Variants in GALNT10 observed in about 807,000 individuals in gnomAD.
GALNT10 encodes the protein GalNAc transferase 10.
A neutral mutation model predicts 75.0 loss-of-function variants in GALNT10; 41 were observed. That is an observed-to-expected ratio of 0.55 (90% CI 0.43 to 0.71). GALNT10 has a LOEUF of 0.71. Among genes scored for constraint, GALNT10 ranks in the 30% least tolerant of loss-of-function variants. GALNT10 has a pLI of 0.00. For missense variants in GALNT10, 727 were observed against 818.5 expected (o/e 0.89, Z 1.36); for synonymous variants, 302 against 313.0 (o/e 0.96, Z 0.37).
At chr5:154,306,139 G>C (rs946795332) in intron 3 of GALNT10, among the ~76,000 whole-genome samples, 1 of 152,174 alleles carries the variant, frequency 6.6e-6, no homozygotes, top group East Asian at 1.9e-4. Context: ...AATCAGCAAG[G>C]ATATAGTAGA....
In GALNT10 at chr5:154,409,756, G is replaced by T. The variant is rs754234880; in HGVS notation, c.1380G>T (p.Trp460Cys). Residue 460 changes from tryptophan to cysteine, a missense_variant, in exon 9 of 12, where the codon TGG (tryptophan) becomes TGT (cysteine). Trp to Cys is a radical substitution (Grantham distance 215). Coordinates refer to ENST00000297107, the MANE Select transcript of GALNT10 (RefSeq NM_198321.4). The surrounding 1 kb of genome is among the most constrained non-coding windows in gnomAD (Gnocchi z 4.5). ...YPPVEPPAAAWGEIRNVGTGL... is the reference protein window; with the variant it reads ...YPPVEPPAAACGEIRNVGTGL... ...CCGTGGAGCCCCCGGCTGCAGCTTG[G>T]GGGGAGGTGAGTCTGGAGGGCAGGG... 4.0e-5 allele frequency: 64 copies of T among 1,611,164 alleles called. No homozygotes were observed. Among genetic ancestry groups the T allele is most frequent in the Middle Eastern group, 1.6e-4 (1 of 6,080 alleles).
At chr5:154,378,210 C>T (rs988820048) in intron 5 of GALNT10, among the ~76,000 whole-genome samples, 4 of 152,216 alleles carry the variant, frequency 2.6e-5, no homozygotes, top group Non-Finnish European at 5.9e-5. Context: ...ACCATTAACA[C>T]CTCCATGCAT....
chr5:154,391,048 G>T (rs1755888588), intron 7 of GALNT10, among the ~76,000 whole-genome samples: 1 of 152,214 alleles, frequency 6.6e-6, no homozygotes, highest in South Asian at 2.1e-4. Context: ...TCTCTCTCCT[G>T]GCTTGGAAAA....
At chr5:154,275,243 C>A (rs1182594397) in intron 1 of GALNT10, among the ~76,000 whole-genome samples, 3 of 152,190 alleles carry the variant, frequency 2.0e-5, no homozygotes, top group Admixed American at 6.5e-5. Flanking sequence ...ATGGGTCTGG[C>A]CCAGAGATGT....
At chr5:154,367,878 A>G (rs1755501479) in intron 4 of GALNT10, among the ~76,000 whole-genome samples, 1 of 151,298 alleles carries the variant, frequency 6.6e-6, no homozygotes, top group Admixed American at 6.6e-5. Flanking sequence ...AAAAAGAGAG[A>G]GACTCAGTCT....
At chr5:154,378,933 C>G (rs1394790255) in intron 5 of GALNT10, among the ~76,000 whole-genome samples, 2 of 150,960 alleles carry the variant, frequency 1.3e-5, no homozygotes, top group African/African-American at 4.9e-5. Context: ...AAATCTTTCT[C>G]TAGAGGAGAT....
At chr5:154,278,796 T>C (rs549640232) in intron 1 of GALNT10, among the ~76,000 whole-genome samples, 6 of 152,218 alleles carry the variant, frequency 3.9e-5, no homozygotes, top group Non-Finnish European at 5.9e-5. Flanking sequence ...AATCATACAA[T>C]GTATGACCTG....
intron 1 of GALNT10, among the ~76,000 whole-genome samples, chr5:154,293,613 A>ATATATATATATATATATAT: frequency 9.1e-6 from 1 of 109,360 alleles, no homozygotes; most frequent in African/African-American, 4.2e-5. Context: ...ATATATATAT[A>ATATATATATATATATATAT]TTTTTTTTTT....
Position 154,412,728 on chromosome 5 carries a change from G to A in GALNT10, c.1387-161G>A, listed in dbSNP as rs1459790466. On this transcript the variant is annotated intron_variant, in intron 9 of 11. Coordinates refer to ENST00000297107, the MANE Select transcript of GALNT10 (RefSeq NM_198321.4). This position sits in a 1 kb window ranked among gnomAD's most constrained non-coding sequence, Gnocchi z 4.2. The stretch of plus-strand genomic sequence containing the variant: ...TGGACTGAGTCTTCCTTCATTGAGA[G>A]GCTCAAGGTACTTCCAACAGCCCAG... 1.5e-6 allele frequency: 1 copy of A among 664,958 alleles called. No individual in the cohort carries two copies. Among genetic ancestry groups the A allele is most frequent in the East Asian group, 2.6e-5 (1 of 38,574 alleles). 41.2% of individuals were successfully genotyped at this position (664,958 alleles called of 1,614,324 possible). A position where few individuals can be genotyped will look rare whatever the true frequency, so the allele number is the denominator to read the frequency against.
chr5:154,363,493 A>G (rs1047210822), intron 4 of GALNT10, among the ~76,000 whole-genome samples: 6 of 42,428 alleles, frequency 1.4e-4, no homozygotes, highest in East Asian at 2.2e-3. Flanking sequence ...CGTTTATCTG[A>G]AAAAAAAAAA....
At chr5:154,265,567 T>C (rs1753764368) in intron 1 of GALNT10, among the ~76,000 whole-genome samples, 1 of 152,212 alleles carries the variant, frequency 6.6e-6, no homozygotes, top group Non-Finnish European at 1.5e-5. Context: ...TGGCTCCAAG[T>C]TTGGATAATT....
At chr5:154,247,720 G>A (rs537747704) in intron 1 of GALNT10, among the ~76,000 whole-genome samples, 14 of 152,276 alleles carry the variant, frequency 9.2e-5, no homozygotes, top group East Asian at 1.9e-4. Flanking sequence ...GGGCTGAGAC[G>A]ATGGGGTTTT....
intron 3 of GALNT10, among the ~76,000 whole-genome samples, chr5:154,326,510 G>T (rs576216026): frequency 2.1e-4 from 32 of 152,288 alleles, no homozygotes; most frequent in African/African-American, 7.7e-4. Flanking sequence ...TCCATTAATT[G>T]ATGAATAGAT....
chr5:154,324,534 G>A (rs187792877), intron 3 of GALNT10, among the ~76,000 whole-genome samples: 11 of 152,280 alleles, frequency 7.2e-5, no homozygotes, highest in South Asian at 2.1e-4. Context: ...CCAAGAAGCC[G>A]TCAAAAAACA....
intron 3 of GALNT10, among the ~76,000 whole-genome samples, chr5:154,307,405 G>T (rs1437088103): frequency 6.6e-6 from 1 of 152,164 alleles, no homozygotes; most frequent in Non-Finnish European, 1.5e-5. Flanking sequence ...CAGATCACGA[G>T]GTCAGGAGAT....
intron 4 of GALNT10, among the ~76,000 whole-genome samples, chr5:154,374,628 G>A (rs143443944): frequency 0.013 from 1,975 of 152,330 alleles, 44 homozygotes; most frequent in African/African-American, 0.045. Flanking sequence ...GGGATTATAG[G>A]CACAGTGCCT....
At chr5:154,299,709 G>A (rs1754333008) in intron 3 of GALNT10, among the ~76,000 whole-genome samples, 1 of 152,226 alleles carries the variant, frequency 6.6e-6, no homozygotes, top group South Asian at 2.1e-4. Flanking sequence ...AAGATGTGCT[G>A]TCACCTAGGA....
chr5:154,373,659 C>T (rs1056288935), intron 4 of GALNT10, among the ~76,000 whole-genome samples: 1 of 152,070 alleles, frequency 6.6e-6, no homozygotes, highest in Non-Finnish European at 1.5e-5. Flanking sequence ...TAAAGTCCCC[C>T]CCAGCTCTAA....
At chr5:154,219,866 A>C (rs933987397) in intron 1 of GALNT10, among the ~76,000 whole-genome samples, 7 of 146,618 alleles carry the variant, frequency 4.8e-5, no homozygotes, top group Non-Finnish European at 7.6e-5. Flanking sequence ...ACACACACAC[A>C]CCACAGAGAG....
Sources: gnomAD v4.1 joint callset for allele counts (sites outside exome capture counted in the v4.1 genomes callset) on GRCh38, gnomAD v4.1.1 for gene constraint, Gnocchi (gnomAD v3.1) non-coding constraint, MANE v1.5 for transcripts, NCBI Gene and HGNC (gene_info 2026-07-23, HGNC 2026-07-21) for gene names.